The following MCC variants were observed in gnomAD, a reference collection of about 807,000 sequenced individuals.
MCC encodes colorectal mutant cancer protein.
A neutral mutation model predicts 116.2 loss-of-function variants in MCC; 90 were observed. The ratio of observed to expected loss-of-function variants is 0.77; its 90% CI spans 0.65 to 0.92. MCC has a LOEUF of 0.92. Among genes scored for constraint, MCC ranks in the 40% least tolerant of loss-of-function variants. The pLI, the probability that MCC is intolerant of heterozygous loss-of-function variation, is 0.00. For synonymous variants in MCC, 578 were observed against 510.5 expected (o/e 1.13, Z -1.78); for missense variants, 1,516 against 1,312.2 (o/e 1.16, Z -2.40).
intron 5 of MCC, among the ~76,000 whole-genome samples, chr5:113,124,911 T>G (rs926514346): frequency 2.0e-5 from 3 of 152,198 alleles, no homozygotes; most frequent in African/African-American, 7.2e-5. Flanking sequence ...GGGCTGCCAG[T>G]GGGGAGTGAC....
chr5:113,381,185 G>A (rs1769109859), intron 2 of MCC, among the ~76,000 whole-genome samples: 2 of 152,172 alleles, frequency 1.3e-5, no homozygotes, highest in South Asian at 4.1e-4. Flanking sequence ...GGCAGATTCT[G>A]GCTATACTTT....
chr5:113,181,955 G>T (rs1436447696), intron 3 of MCC, among the ~76,000 whole-genome samples: 1 of 152,044 alleles, frequency 6.6e-6, no homozygotes, highest in Non-Finnish European at 1.5e-5. Flanking sequence ...TGCATTATCT[G>T]CTCATCAGCA....
chr5:113,411,807 T>G (rs1054476044), intron 1 of MCC, among the ~76,000 whole-genome samples: 6 of 152,252 alleles, frequency 3.9e-5, no homozygotes, highest in African/African-American at 1.4e-4. Flanking sequence ...TGGCTTTTGT[T>G]GCCATTGCTT....
chr5:113,074,224 T>C (rs754899904), intron 11 of MCC, among the ~76,000 whole-genome samples: 5 of 152,222 alleles, frequency 3.3e-5, no homozygotes, highest in African/African-American at 4.8e-5. Context: ...CGTTCTGCAG[T>C]ATTTGCTGTT....
chr5:113,132,845 T>TA (rs1758545598), intron 5 of MCC, among the ~76,000 whole-genome samples: 1 of 152,106 alleles, frequency 6.6e-6, no homozygotes, highest in African/African-American at 2.4e-5. Flanking sequence ...GCCAGTAGAG[T>TA]AACTCCCTTC....
At chr5:113,079,703 C>G (rs551261474) in intron 11 of MCC, among the ~76,000 whole-genome samples, 1 of 152,134 alleles carries the variant, frequency 6.6e-6, no homozygotes, top group South Asian at 2.1e-4. Flanking sequence ...ACCGTAAAAC[C>G]TCTAGAAGAA....
intron 1 of MCC, among the ~76,000 whole-genome samples, chr5:113,449,187 A>G (rs983307823): frequency 6.6e-6 from 1 of 152,242 alleles, no homozygotes; most frequent in African/African-American, 2.4e-5. Context: ...CTGGAAGCCA[A>G]TTTGATATTC....
At chr5:113,286,044 T>C (rs981463983) in intron 3 of MCC, among the ~76,000 whole-genome samples, 4 of 152,244 alleles carry the variant, frequency 2.6e-5, no homozygotes, top group Non-Finnish European at 4.4e-5. Flanking sequence ...TCAAAGACTG[T>C]TGATATCCTA....
At chr5:113,327,163 C>A (rs1329598410) in intron 3 of MCC, among the ~76,000 whole-genome samples, 3 of 152,036 alleles carry the variant, frequency 2.0e-5, no homozygotes, top group Non-Finnish European at 4.4e-5. Context: ...AAAGGAGGAT[C>A]TCTAGAGGAC....
rs1759242517 is a variant in MCC, at chr5:113,142,594, G to C, written c.884+624C>G. ...TATCCTCTCCTAATTTTAACTACAA[G>C]GCAGTCACTCTCTTTAAGCTCCAGC... On this transcript the variant is annotated intron_variant, in intron 5 of 18. Transcript: ENST00000408903. 2.0e-5 allele frequency among the ~76,000 whole-genome samples: 3 copies of C among 147,228 alleles called. 1 individual carries two copies. The highest frequency in any genetic ancestry group is 3.1e-5 in the Non-Finnish European group (2 of 64,162).
chr5:113,197,195 T>G lies in MCC; in HGVS notation c.628-45773A>C, dbSNP rs990092148. ...TACGTTCTGGGTCGATGGGGAGATG[T>G]TGGTCAAAGGAGATATAATTACAAT... is the stretch of plus-strand genomic sequence containing the variant. On this transcript the variant is annotated intron_variant, in intron 3 of 18. Coordinates refer to ENST00000408903, the MANE Select transcript of MCC (RefSeq NM_001085377.2). 2.0e-5 allele frequency among the ~76,000 whole-genome samples: 3 copies of G among 152,150 alleles called. No individual in the cohort carries two copies. The South Asian group carries it at 6.2e-4, about 32-fold the overall frequency.
In MCC at chr5:113,053,799, C is replaced by T. The variant is rs759549836; in HGVS notation, c.2374G>A (p.Val792Ile). 52 of 1,614,038 alleles carry T rather than the reference C, an allele frequency of 3.2e-5. No individual in the cohort carries two copies. The East Asian group carries it at 3.6e-4, about 11-fold the overall frequency. ...SIHIDPLSYD[V>I]KPRGDSQRLD... ...CTCTGGCTGTCTCCCCGAGGCTTGA[C>T]GTCATAGCTGAGAGGATCGATGTGG... Residue 792 changes from valine (V) to isoleucine (I), a missense_variant, in exon 15 of 19, where the codon GTC becomes ATC. By Grantham distance (29) the Val-to-Ile change is conservative. Transcript: ENST00000408903.
intron 6 of MCC, among the ~76,000 whole-genome samples, chr5:113,108,594 A>G (rs1015570087): frequency 2.7e-5 from 4 of 149,812 alleles, no homozygotes; most frequent in Non-Finnish European, 5.9e-5. Context: ...TGGAGGTTGC[A>G]GGGAGCTGAG....
At chr5:113,376,270 G>C (rs1225538706) in intron 2 of MCC, among the ~76,000 whole-genome samples, 1 of 152,102 alleles carries the variant, frequency 6.6e-6, no homozygotes, top group Non-Finnish European at 1.5e-5. Flanking sequence ...ATGGGATTAG[G>C]TGCTATGGGT....
At chr5:113,120,927 G>A (rs74441121) in intron 6 of MCC, among the ~76,000 whole-genome samples, 8,856 of 152,124 alleles carry the variant, frequency 0.058, 363 homozygotes, top group African/African-American at 0.11. Flanking sequence ...AACAAAACAC[G>A]ATCTCCACCT....
chr5:113,248,235 T>TAA (rs10574369), intron 3 of MCC, among the ~76,000 whole-genome samples: 2 of 133,544 alleles, frequency 1.5e-5, no homozygotes, highest in South Asian at 2.5e-4. Flanking sequence ...TGTATCTATT[T>TAA]AAAAAAAAAA....
At chr5:113,071,524 T>C (rs1561779080) in intron 11 of MCC, among the ~76,000 whole-genome samples, 1 of 152,166 alleles carries the variant, frequency 6.6e-6, no homozygotes, top group Non-Finnish European at 1.5e-5. Context: ...TCTGGAGATA[T>C]TCCAAGGAAA....
chr5:113,198,688 A>G (rs182014554), intron 3 of MCC, among the ~76,000 whole-genome samples: 1 of 148,412 alleles, frequency 6.7e-6, no homozygotes, highest in East Asian at 2.0e-4. Context: ...CCTGGGTGAC[A>G]CAGCAACACC....
chr5:113,313,163 G>A (rs1053466372), intron 3 of MCC, among the ~76,000 whole-genome samples: 1 of 152,116 alleles, frequency 6.6e-6, no homozygotes, highest in African/African-American at 2.4e-5. Flanking sequence ...TGGCCAACAT[G>A]GTGAAACCCC....
Sources: allele counts gnomAD v4.1 joint callset (sites outside exome capture counted in the v4.1 genomes callset), GRCh38; gene constraint gnomAD v4.1.1; transcripts MANE v1.5; gene names NCBI Gene and HGNC (gene_info 2026-07-23, HGNC 2026-07-21).